Variants in OR51G2 observed in about 807,000 individuals in gnomAD.
OR51G2 encodes the protein olfactory receptor 51G2.
OR51G2 carries 13 observed loss-of-function variants against 11.8 expected under a neutral mutation model. The ratio of observed to expected loss-of-function variants is 1.10; its 90% CI spans 0.72 to 1.76. The LOEUF (loss-of-function observed/expected upper bound fraction) is 1.76, where lower values mean the gene tolerates loss of function less well. OR51G2 is among the 40% of genes most tolerant of loss of function. OR51G2 has a pLI of 0.00. For missense variants in OR51G2, 474 were observed against 394.4 expected, an observed-to-expected ratio of 1.20 and a Z score of -1.71; for synonymous variants, 178 against 151.9, an observed-to-expected ratio of 1.17 and a Z score of -1.26.
rs1851053210 is a variant in OR51G2 at position 4,914,919 on chromosome 11, G to C, written c.745C>G (p.His249Asp). ...TAGAAGAGCAGCACAGCACAGATGTGGGAAACACAGGTGTTAAGGGCCTTG... is the reference window on the plus strand; with the variant it reads ...TAGAAGAGCAGCACAGCACAGATGTCGGAAACACAGGTGTTAAGGGCCTTG... ...RFKALNTCVS[H>D]ICAVLLFYTP... The change falls in exon 2 of 2, where the codon CAC becomes GAC. Residue 249 changes from histidine (H) to aspartate (D), a missense_variant. Physicochemically the swap from His to Asp is moderately conservative, Grantham distance 81. Coordinates refer to ENST00000641926, the MANE Select transcript of OR51G2 (RefSeq NM_001005238.2). 1 of 1,614,006 alleles carries C rather than the reference G, an allele frequency of 6.2e-7. No homozygotes were observed. The highest frequency in any genetic ancestry group is 8.5e-7 in the Non-Finnish European group (1 of 1,180,006).
Position 4,912,804 on chromosome 11 carries a change from T to C in OR51G2, c.*1915A>G, listed in dbSNP as rs1774995547. On this transcript the variant is annotated 3_prime_UTR_variant, in exon 2 of 2. Coordinates refer to ENST00000641926, the MANE Select transcript of OR51G2 (RefSeq NM_001005238.2). The stretch of plus-strand genomic sequence containing the variant: ...TTGTTTTTTAAAATGTAAAAAACTA[T>C]AGAATGCTAGAGAAGACCTTTTCCC... 1 of 152,292 alleles carries C rather than the reference T, an allele frequency of 6.6e-6. No individual in the cohort carries two copies. Among genetic ancestry groups the C allele is most frequent in the Middle Eastern group, 3.4e-3 (1 of 294 alleles). The allele number at this position is 152,292 out of a possible 1,614,324, so 9.4% of individuals were successfully genotyped here. A position where few individuals can be genotyped will look rare whatever the true frequency, so the allele number is the denominator to read the frequency against.
At position 4,916,496 on chromosome 11, in the gene OR51G2, G is replaced by A. The variant is rs566033519; in HGVS notation, c.-76-757C>T. On this transcript the variant is annotated intron_variant, in intron 1 of 1. Transcript: ENST00000641926. ...TTCTTTTCTTTTCCTTTATCTTACT[G>A]TGCTTTCTTTGTTATAGTTTTAGTT... 7.3e-5 allele frequency among the ~76,000 whole-genome samples: 11 copies of A among 150,472 alleles called. No homozygotes were observed. In the South Asian group the frequency reaches 2.3e-3, roughly 32 times the overall value.
At chr11:4,916,598 C>A (rs1166027584) in intron 1 of OR51G2, among the ~76,000 whole-genome samples, 2 of 152,108 alleles carry the variant, frequency 1.3e-5, no homozygotes, top group East Asian at 1.9e-4. Context: ...ACAGACCAAC[C>A]CTTCACTCAC....
intron 1 of OR51G2, among the ~76,000 whole-genome samples, chr11:4,916,251 CTGT>C (rs1346246759): frequency 6.6e-6 from 1 of 152,074 alleles, no homozygotes; most frequent in African/African-American, 2.4e-5. Context: ...AAGGCCACAG[CTGT>C]TGTTGGGGAC....
At chr11:4,916,054 C>T (rs140331897) in intron 1 of OR51G2, among the ~76,000 whole-genome samples, 2 of 152,078 alleles carry the variant, frequency 1.3e-5, no homozygotes, top group African/African-American at 2.4e-5. Context: ...TGCAGTGGCT[C>T]ACGCCTGTAA....
chr11:4,918,505 A>G (rs1233406686), intron 1 of OR51G2, among the ~76,000 whole-genome samples: 2 of 152,140 alleles, frequency 1.3e-5, no homozygotes, highest in Admixed American at 1.3e-4. Flanking sequence ...ATTCAGAATA[A>G]TGATGCCAGG....
In OR51G2 at chr11:4,915,179, A is replaced by G. The variant is rs749494261; in HGVS notation, c.485T>C (p.Phe162Ser). 3.1e-6 allele frequency: 5 copies of G among 1,614,056 alleles called. No individual in the cohort carries two copies. The highest frequency in any genetic ancestry group is 3.4e-6 in the Non-Finnish European group (4 of 1,179,998). ...TCTTTTGAGCATAAAAGGTAATGGA[A>G]AAATGAGTGCTACACTACGACCCAG... is the stretch of plus-strand genomic sequence containing the variant. ...VSLGRSVALI[F>S]PLPFMLKRFP... Residue 162 changes from phenylalanine (F) to serine (S), a missense_variant, in exon 2 of 2, where the codon TTT becomes TCT. Coordinates refer to ENST00000641926, the MANE Select transcript of OR51G2 (RefSeq NM_001005238.2).
rs775391873 is a variant in OR51G2, at chr11:4,914,689, A to C, written c.*30T>G. 6.7e-7 allele frequency: 1 copy of C among 1,499,880 alleles called. No homozygotes were observed. Among genetic ancestry groups the C allele is most frequent in the Admixed American group, 1.8e-5 (1 of 56,902 alleles). The allele number at this position is 1,499,880 out of a possible 1,614,324, so 92.9% of individuals were successfully genotyped here. A position where few individuals can be genotyped will look rare whatever the true frequency, so the allele number is the denominator to read the frequency against. On this transcript the variant is annotated 3_prime_UTR_variant, in exon 2 of 2. Transcript: ENST00000641926. ...GGATAGGCAAACAAGGGCACGTTTC[A>C]GGAGACAGTGGCTCTAACACTAGAC...
chr11:4,914,571 G>A lies in OR51G2; in HGVS notation c.*148C>T, dbSNP rs114842100. The A allele has an allele frequency of 1.7e-3, 1,081 of 618,630 alleles. 6 individuals are homozygous for A. In the African/African-American group the frequency reaches 0.018, roughly 10 times the overall value. The allele number at this position is 618,630 out of a possible 1,614,324, so 38.3% of individuals were successfully genotyped here. A position where few individuals can be genotyped will look rare whatever the true frequency, so the allele number is the denominator to read the frequency against. On this transcript the variant is annotated 3_prime_UTR_variant, in exon 2 of 2. Coordinates refer to ENST00000641926, the MANE Select transcript of OR51G2 (RefSeq NM_001005238.2). ...CCCCCCCTGCCCTGGCCACAACAGA[G>A]TGAGGGTTCTGTAAGGACTGTAACT... is the stretch of plus-strand genomic sequence containing the variant.
Position 4,915,018 on chromosome 11 carries a change from A to G in OR51G2, c.646T>C (p.Ser216Pro). 6.2e-7 allele frequency: 1 copy of G among 1,614,092 alleles called. No homozygotes were observed. The highest frequency in any genetic ancestry group is 8.5e-7 in the Non-Finnish European group (1 of 1,180,000). Residue 216 changes from serine to proline, a missense_variant, in exon 2 of 2, where the codon TCA (serine) becomes CCA (proline). Ser to Pro is a moderately conservative substitution (Grantham distance 74). Coordinates refer to ENST00000641926, the MANE Select transcript of OR51G2 (RefSeq NM_001005238.2). ...GCATAAGAGAAGAGGATGAGCAGTG[A>G]GTCTATACCCACTGTAGAGACGATG... ...FVIVSTVGID[S>P]LLILFSYALI... is the part of the protein sequence containing the mutation.
At chr11:4,918,368 A>G (rs1309155086) in intron 1 of OR51G2, among the ~76,000 whole-genome samples, 1 of 152,120 alleles carries the variant, frequency 6.6e-6, no homozygotes, top group Non-Finnish European at 1.5e-5. Context: ...TTTTTTTCCT[A>G]TAAACTCAAG....
chr11:4,918,720 A>C (rs116629637), intron 1 of OR51G2, among the ~76,000 whole-genome samples: 2,238 of 152,200 alleles, frequency 0.015, 62 homozygotes, highest in African/African-American at 0.051. Flanking sequence ...TTCTGCCCTC[A>C]AGTTGTTTTG....
At position 4,915,712 on chromosome 11, in the gene OR51G2, T is replaced by C; in HGVS notation, c.-49A>G. 7.4e-7 allele frequency: 1 copy of C among 1,348,052 alleles called. No individual in the cohort carries two copies. Among genetic ancestry groups the C allele is most frequent in the South Asian group, 1.3e-5 (1 of 77,854 alleles). 83.5% of individuals were successfully genotyped at this position (1,348,052 alleles called of 1,614,324 possible). ...GTGGGTGCCCTCCAAAATCCTGAAG[T>C]AAATTGAGGCAGTACTGGTGATTGC... On this transcript the variant is annotated 5_prime_UTR_variant, in exon 2 of 2. Coordinates refer to ENST00000641926, the MANE Select transcript of OR51G2 (RefSeq NM_001005238.2).
At chr11:4,916,384 C>A (rs868252809) in intron 1 of OR51G2, among the ~76,000 whole-genome samples, 22 of 124,328 alleles carry the variant, frequency 1.8e-4, no homozygotes, top group African/African-American at 6.5e-4. Flanking sequence ...CTGCCTCTTA[C>A]AAATAGATCT....
chr11:4,914,547 C>CA lies in OR51G2; in HGVS notation c.*171_*172insT, dbSNP rs1851043492. 5 of 549,284 alleles carry CA rather than the reference C, an allele frequency of 9.1e-6. No homozygotes were observed. Among genetic ancestry groups the CA allele is most frequent in the South Asian group, 8.9e-5 (3 of 33,710 alleles). 34.0% of individuals were successfully genotyped at this position (549,284 alleles called of 1,614,324 possible). ...TTACCACATCATATTACATTTTACC[C>CA]CCCCCTGCCCTGGCCACAACAGAGT... is the stretch of plus-strand genomic sequence containing the variant. On this transcript the variant is annotated 3_prime_UTR_variant, in exon 2 of 2. Transcript: ENST00000641926.
rs771008024 is a variant in OR51G2 at position 4,913,171 on chromosome 11, G to A, written c.*1548C>T. On this transcript the variant is annotated 3_prime_UTR_variant, in exon 2 of 2. Coordinates refer to ENST00000641926, the MANE Select transcript of OR51G2 (RefSeq NM_001005238.2). ...AATAAGCTCTTTTAAACTGGGTTCT[G>A]ATCCTTTTGATTATTTTGGGGTTGA... The A allele has an allele frequency of 5.3e-5, 8 of 152,132 alleles. No individual in the cohort carries two copies. Among genetic ancestry groups the A allele is most frequent in the Admixed American group, 6.5e-5 (1 of 15,268 alleles). The allele number at this position is 152,132 out of a possible 1,614,324, so 9.4% of individuals were successfully genotyped here.
In OR51G2 at chr11:4,915,193, A is replaced by T. The variant is rs761973444; in HGVS notation, c.471T>A (p.Ser157Arg). The T allele has an allele frequency of 6.2e-7, 1 of 1,614,070 alleles. No individual in the cohort carries two copies. Among genetic ancestry groups the T allele is most frequent in the Non-Finnish European group, 8.5e-7 (1 of 1,180,002 alleles). Reference sequence around the variant, plus strand: ...AAGGTAATGGAAAAATGAGTGCTACACTACGACCCAGAGAGACCAGGCCAA... The same window carrying T: ...AAGGTAATGGAAAAATGAGTGCTACTCTACGACCCAGAGAGACCAGGCCAA... ...GRIGLVSLGR[S>R]VALIFPLPFM... Residue 157 changes from serine to arginine, a missense_variant, in exon 2 of 2, where the codon AGT becomes AGA. Coordinates refer to ENST00000641926, the MANE Select transcript of OR51G2 (RefSeq NM_001005238.2).
In OR51G2 at chr11:4,913,626, T is replaced by A. The variant is rs1851026332; in HGVS notation, c.*1093A>T. On this transcript the variant is annotated 3_prime_UTR_variant, in exon 2 of 2. Transcript: ENST00000641926. ...ACAAACTATCCTTGGTTCCTTGGCT[T>A]ATAATCTCTTTCTGATACAGTCAGT... 6.6e-6 allele frequency: 1 copy of A among 152,212 alleles called. No individual in the cohort carries two copies. Among genetic ancestry groups the A allele is most frequent in the South Asian group, 2.1e-4 (1 of 4,830 alleles). 9.4% of individuals were successfully genotyped at this position (152,212 alleles called of 1,614,324 possible).
chr11:4,918,707 C>T (rs746982469), intron 1 of OR51G2, among the ~76,000 whole-genome samples: 3 of 152,150 alleles, frequency 2.0e-5, no homozygotes, highest in East Asian at 1.9e-4. Flanking sequence ...TAATCCATGG[C>T]GTTTCTGCCC....
Sources: allele counts gnomAD v4.1 joint callset (sites outside exome capture counted in the v4.1 genomes callset), GRCh38; gene constraint gnomAD v4.1.1; transcripts MANE v1.5; gene names NCBI Gene and HGNC (gene_info 2026-07-23, HGNC 2026-07-21).